Variants in PID1 observed in about 807,000 individuals in gnomAD.
The protein encoded by PID1 is phosphotyrosine interaction domain containing 1, also known as PTB-containing, cubilin and LRP1-interacting protein.
PID1 carries 10 observed loss-of-function variants against 19.1 expected under a neutral mutation model. The ratio of observed to expected loss-of-function variants is 0.52; its 90% confidence interval spans 0.32 to 0.89. PID1 has a LOEUF of 0.89. PID1 is among the 40% of genes least tolerant of loss of function. The pLI, the probability that PID1 is intolerant of heterozygous loss-of-function variation, is 0.03. For synonymous variants in PID1, 130 were observed against 116.0 expected (o/e 1.12, Z -0.78); for missense variants, 248 against 285.3 (o/e 0.87, Z 0.94).
chr2:229,117,666 C>A (rs1695436658), intron 2 of PID1, among the ~76,000 whole-genome samples: 1 of 152,082 alleles, frequency 6.6e-6, no homozygotes, highest in African/African-American at 2.4e-5. Context: ...TCTTCCTATC[C>A]CCTTTATGCC....
rs150079761 is a variant in PID1, at chr2:229,030,467, C to T, written c.178-4359G>A. ...AAAATAAATTAGGGAAAAAAGCATA[C>T]GGAGGAAATTAACTTTAGTGCCTGA... On this transcript the variant is annotated intron_variant, in intron 2 of 2. Coordinates refer to ENST00000392055, the MANE Select transcript of PID1 (RefSeq NM_001100818.2). 6.2e-4 allele frequency among the ~76,000 whole-genome samples: 94 copies of T among 152,106 alleles called. 1 individual carries two copies. In the East Asian group the frequency reaches 7.3e-3, roughly 12 times the overall value.
chr2:229,153,030 C>G (rs1174027775), intron 2 of PID1, among the ~76,000 whole-genome samples: 1 of 152,174 alleles, frequency 6.6e-6, no homozygotes, highest in African/African-American at 2.4e-5. Context: ...CTGCAGCTGG[C>G]ATCTTGTGAG....
At chr2:229,174,752 AG>A (rs1690784102) in intron 1 of PID1, among the ~76,000 whole-genome samples, 1 of 151,406 alleles carries the variant, frequency 6.6e-6, no homozygotes, top group Non-Finnish European at 1.5e-5. Flanking sequence ...AAGAGAGTAC[AG>A]GTTTAAATAA....
intron 2 of PID1, among the ~76,000 whole-genome samples, chr2:229,141,678 A>T (rs1490217590): frequency 2.0e-5 from 3 of 152,124 alleles, no homozygotes; most frequent in Non-Finnish European, 4.4e-5. Context: ...TTTTCAGCTT[A>T]CAGGGTAACT....
intron 2 of PID1, among the ~76,000 whole-genome samples, chr2:229,127,625 C>G (rs1459033335): frequency 6.6e-6 from 1 of 152,146 alleles, no homozygotes; most frequent in African/African-American, 2.4e-5. Flanking sequence ...TGTGGCACGG[C>G]CTTCCCATGA....
At chr2:229,164,251 T>C (rs1690554015) in intron 1 of PID1, among the ~76,000 whole-genome samples, 2 of 151,802 alleles carry the variant, frequency 1.3e-5, no homozygotes, top group Admixed American at 1.3e-4. Context: ...TTGCAACCCC[T>C]GATGTAAAAC....
At chr2:229,084,128 T>C (rs909793117) in intron 2 of PID1, among the ~76,000 whole-genome samples, 1 of 152,200 alleles carries the variant, frequency 6.6e-6, no homozygotes, top group Admixed American at 6.5e-5. Flanking sequence ...TTACTGTGGT[T>C]GCTTCAAGCA....
At chr2:229,071,561 A>T (rs1282326532) in intron 2 of PID1, among the ~76,000 whole-genome samples, 1 of 152,232 alleles carries the variant, frequency 6.6e-6, no homozygotes, top group East Asian at 1.9e-4. Flanking sequence ...CCAGTCCATG[A>T]TATCTTCTAT....
intron 2 of PID1, among the ~76,000 whole-genome samples, chr2:229,111,757 T>G (rs1440851159): frequency 3.3e-5 from 5 of 152,226 alleles, no homozygotes; most frequent in Non-Finnish European, 5.9e-5. Flanking sequence ...AAGAATATAC[T>G]GATAGCGAAG....
At position 229,049,565 on chromosome 2, in the gene PID1, C is replaced by T. The variant is rs373120711; in HGVS notation, c.178-23457G>A. 3.3e-5 allele frequency among the ~76,000 whole-genome samples: 5 copies of T among 152,148 alleles called. No homozygotes were observed. The South Asian group carries it at 1.0e-3, about 31-fold the overall frequency. ...TAAGCACCCAAATACATTTTACCAA[C>T]TTGCATGTCACCTAGTAATTTATTA... On this transcript the variant is annotated intron_variant, in intron 2 of 2. Coordinates refer to ENST00000392055, the MANE Select transcript of PID1 (RefSeq NM_001100818.2).
chr2:229,236,443 C>T (rs746030644), intron 1 of PID1: 18 of 152,188 alleles, frequency 1.2e-4, no homozygotes, highest in Non-Finnish European at 2.4e-4. Context: ...AGCAAAGCCA[C>T]CTTCTTCTGA....
At chr2:229,028,705 T>A (rs543678113) in intron 2 of PID1, among the ~76,000 whole-genome samples, 1 of 152,188 alleles carries the variant, frequency 6.6e-6, no homozygotes, top group Admixed American at 6.5e-5. Context: ...CAAAATCACG[T>A]CCTTTGCGAC....
intron 2 of PID1, among the ~76,000 whole-genome samples, chr2:229,063,666 A>G (rs964401242): frequency 1.1e-4 from 16 of 152,056 alleles, no homozygotes; most frequent in Middle Eastern, 3.2e-3. Context: ...ATTAAAATCC[A>G]CTGTTTCCCT....
At chr2:229,203,328 ATT>A (rs1310774200) in intron 1 of PID1, among the ~76,000 whole-genome samples, 1 of 152,128 alleles carries the variant, frequency 6.6e-6, no homozygotes, top group Non-Finnish European at 1.5e-5. Context: ...GCCAAAATAT[ATT>A]AATAAAGTAT....
intron 2 of PID1, among the ~76,000 whole-genome samples, chr2:229,048,217 A>G (rs1044460612): frequency 1.3e-5 from 2 of 152,182 alleles, no homozygotes; most frequent in African/African-American, 4.8e-5. Flanking sequence ...CTTAAGTCAC[A>G]GATGTTCTCC....
intron 2 of PID1, among the ~76,000 whole-genome samples, chr2:229,039,860 A>G (rs1003216216): frequency 4.0e-4 from 61 of 152,298 alleles, no homozygotes; most frequent in African/African-American, 1.3e-3. Flanking sequence ...AAAACTCTAT[A>G]TGTCTTTTGA....
At chr2:229,201,071 A>G (rs1011693952) in intron 1 of PID1, among the ~76,000 whole-genome samples, 2 of 152,110 alleles carry the variant, frequency 1.3e-5, no homozygotes, top group South Asian at 4.1e-4. Context: ...AAACTGTGTG[A>G]AAACCTCTAA....
At chr2:229,206,897 A>G (rs1323086289) in intron 1 of PID1, among the ~76,000 whole-genome samples, 1 of 152,178 alleles carries the variant, frequency 6.6e-6, no homozygotes, top group African/African-American at 2.4e-5. Flanking sequence ...TTTTGTTAGA[A>G]TGCAGATTCT....
intron 1 of PID1, among the ~76,000 whole-genome samples, chr2:229,251,622 G>A (rs954253059): frequency 1.3e-5 from 2 of 152,072 alleles, no homozygotes; most frequent in Non-Finnish European, 2.9e-5. Flanking sequence ...TGAGATACAC[G>A]AAGAAATGCA....
Sources: allele counts gnomAD v4.1 joint callset (sites outside exome capture counted in the v4.1 genomes callset), GRCh38; gene constraint gnomAD v4.1.1; transcripts MANE v1.5; gene names NCBI Gene and HGNC (gene_info 2026-07-23, HGNC 2026-07-21).